The following ZC3H6 variants were observed in gnomAD, a reference collection of about 807,000 sequenced individuals.
ZC3H6 encodes the protein zinc finger CCCH-type containing 6, also known as zinc finger CCCH domain-containing protein 6.
In ZC3H6, 40 loss-of-function variants were observed where a neutral mutation model predicts 107.7. That is an observed-to-expected ratio of 0.37 (90% CI 0.29 to 0.48). The LOEUF is 0.48. Among genes scored for constraint, ZC3H6 ranks in the 20% least tolerant of loss-of-function variants. ZC3H6 has a pLI of 0.98. For synonymous variants in ZC3H6, 493 were observed against 487.9 expected, an observed-to-expected ratio of 1.01 and a Z score of -0.14; for missense variants, 1,267 against 1,410.4, an observed-to-expected ratio of 0.90 and a Z score of 1.63.
Position 112,331,282 on chromosome 2 carries a change from G to A in ZC3H6, c.2364G>A (p.Leu788=). ...GACTTGCGTGGGATCCCAGGAAATTGAGAGGGAATGGAAGTGGTCACATAG... is the reference window on the plus strand; with the variant it reads ...GACTTGCGTGGGATCCCAGGAAATTAAGAGGGAATGGAAGTGGTCACATAG... ...DLRLAWDPRK[L]RGNGSGHIGS... Residue 788 remains leucine (L), a synonymous_variant, in exon 12 of 12, where the codon TTG becomes TTA. Transcript: ENST00000409871. 1 of 1,613,680 alleles carries A rather than the reference G, an allele frequency of 6.2e-7. No individual in the cohort carries two copies. The highest frequency in any genetic ancestry group is 8.5e-7 in the Non-Finnish European group (1 of 1,179,892).
chr2:112,338,632 C>A lies in ZC3H6; in HGVS notation c.*6144C>A, dbSNP rs570847209. 54 of 151,752 alleles carry A rather than the reference C, an allele frequency of 3.6e-4. No homozygotes were observed. Among genetic ancestry groups the A allele is most frequent in the African/African-American group, 1.3e-3 (53 of 41,434 alleles). 9.4% of individuals were successfully genotyped at this position (151,752 alleles called of 1,614,324 possible). On this transcript the variant is annotated 3_prime_UTR_variant, in exon 12 of 12. Transcript: ENST00000409871. Reference sequence around the variant, plus strand: ...AATTAGCTCTGCAGATAGTCAGGCCCCATACTTCTTGGCTCATTACTGATT... The same window carrying A: ...AATTAGCTCTGCAGATAGTCAGGCCACATACTTCTTGGCTCATTACTGATT...
intron 8 of ZC3H6, 102 bp from the exon 9 acceptor site, chr2:112,322,547 A>G (rs1676823825): frequency 1.5e-6 from 2 of 1,301,878 alleles, no homozygotes; most frequent in Non-Finnish European, 2.1e-6. Flanking sequence ...AGCCCATTTC[A>G]ACTTTAATAT....
At chr2:112,326,835 A>G (rs1438212201) in intron 11 of ZC3H6, among the ~76,000 whole-genome samples, 1 of 151,412 alleles carries the variant, frequency 6.6e-6, no homozygotes, top group Non-Finnish European at 1.5e-5. Context: ...CTTGTCACGA[A>G]CTCCTGACCT....
intron 1 of ZC3H6, 111 bp downstream of exon 1, chr2:112,276,137 C>T: frequency 3.2e-6 from 3 of 935,446 alleles, no homozygotes; most frequent in Non-Finnish European, 4.8e-6. Context: ...CTCTGTGTGG[C>T]TCCGTCAGTT....
At position 112,332,263 on chromosome 2, in the gene ZC3H6, G is replaced by A. The variant is rs748720953; in HGVS notation, c.3345G>A (p.Ala1115=). Residue 1115 remains alanine (A), a synonymous_variant, in exon 12 of 12, where the codon GCG becomes GCA. Transcript: ENST00000409871. ...VTLEGPADPQ[A]DVPRSSGKVQ... ...TTGAGGGGCCAGCTGACCCACAGGC[G>A]GACGTTCCCAGGAGTTCTGGTAAGG... 25 of 1,613,746 alleles carry A rather than the reference G, an allele frequency of 1.5e-5. No homozygotes were observed. Among genetic ancestry groups the A allele is most frequent in the African/African-American group, 5.3e-5 (4 of 74,908 alleles).
chr2:112,324,387 G>T lies in ZC3H6; in HGVS notation c.1576G>T (p.Val526Leu). 2.5e-6 allele frequency: 4 copies of T among 1,613,990 alleles called. No individual in the cohort carries two copies. Among genetic ancestry groups the T allele is most frequent in the Non-Finnish European group, 3.4e-6 (4 of 1,179,882 alleles). ...PPLPPGPPEIVGPQNQAGVLV... is the reference protein window; with the variant it reads ...PPLPPGPPEILGPQNQAGVLV... ...TTTACCACCTGGTCCACCTGAAATT[G>T]TAGGTCCTCAAAATCAAGCTGGAGT... is the stretch of plus-strand genomic sequence containing the variant. The change falls in exon 10 of 12, where the codon GTA (valine) becomes TTA (leucine). Residue 526 changes from valine to leucine, a missense_variant. Physicochemically the swap from Val to Leu is conservative, Grantham distance 32. Transcript: ENST00000409871.
At chr2:112,297,236 A>G (rs1044081076) in intron 1 of ZC3H6, among the ~76,000 whole-genome samples, 3 of 152,244 alleles carry the variant, frequency 2.0e-5, no homozygotes, top group African/African-American at 7.2e-5. Context: ...GACCACGTCC[A>G]CTATCCGTAG....
At chr2:112,314,304 C>T (rs1676650638) in intron 5 of ZC3H6, among the ~76,000 whole-genome samples, 1 of 152,072 alleles carries the variant, frequency 6.6e-6, no homozygotes, top group African/African-American at 2.4e-5. Flanking sequence ...ATCTTCTGGG[C>T]ACTTAATTTT....
At chr2:112,297,951 G>A (rs998143852) in intron 1 of ZC3H6, among the ~76,000 whole-genome samples, 1 of 151,864 alleles carries the variant, frequency 6.6e-6, no homozygotes, top group Non-Finnish European at 1.5e-5. Context: ...CCCCATCTCC[G>A]TAAAAATACA....
intron 3 of ZC3H6, among the ~76,000 whole-genome samples, chr2:112,307,308 T>C (rs1428360826): frequency 6.6e-6 from 1 of 152,190 alleles, no homozygotes; most frequent in Non-Finnish European, 1.5e-5. Flanking sequence ...GCTTCTTTTT[T>C]CCTCATCTTT....
chr2:112,319,568 C>T (rs1676763612), intron 7 of ZC3H6, among the ~76,000 whole-genome samples: 1 of 151,940 alleles, frequency 6.6e-6, no homozygotes, highest in Non-Finnish European at 1.5e-5. Flanking sequence ...ATCGCTTGAA[C>T]CTGGGAGGTG....
chr2:112,323,636 A>G (rs1039659401), intron 9 of ZC3H6, among the ~76,000 whole-genome samples: 8 of 152,218 alleles, frequency 5.3e-5, no homozygotes, highest in Non-Finnish European at 1.5e-5. Flanking sequence ...CCTCAACCCA[A>G]AGGAATCAAC....
chr2:112,291,758 G>A (rs1376624793), intron 1 of ZC3H6, among the ~76,000 whole-genome samples: 9 of 151,988 alleles, frequency 5.9e-5, no homozygotes, highest in Admixed American at 2.6e-4. Flanking sequence ...TCATTCTGTC[G>A]CCCAGGCCAG....
chr2:112,325,252 A>T, intron 11 of ZC3H6, 55 bp downstream of exon 11: 1 of 1,536,982 alleles, frequency 6.5e-7, no homozygotes, highest in South Asian at 1.2e-5. Flanking sequence ...TAAAATTTTT[A>T]AATGGCCGAG....
In ZC3H6 at chr2:112,321,801, A is replaced by G; in HGVS notation, c.1022A>G (p.Gln341Arg). ...KFYHSGAKCY[Q>R]GDNCKFSHDD... ...TATCATAGTGGAGCAAAATGTTACC[A>G]GGGAGACAACTGTAAATTTTCCCAT... is the stretch of plus-strand genomic sequence containing the variant. Residue 341 changes from glutamine (Q) to arginine (R), a missense_variant, in exon 8 of 12, where the codon CAG (glutamine) becomes CGG (arginine). Physicochemically the swap from Gln to Arg is conservative, Grantham distance 43. Coordinates refer to ENST00000409871, the MANE Select transcript of ZC3H6 (RefSeq NM_198581.3). 1.3e-6 allele frequency: 2 copies of G among 1,552,300 alleles called. No homozygotes were observed. Among genetic ancestry groups the G allele is most frequent in the Non-Finnish European group, 1.7e-6 (2 of 1,148,206 alleles).
intron 11 of ZC3H6, among the ~76,000 whole-genome samples, chr2:112,327,518 G>T (rs555888070): frequency 1.3e-5 from 2 of 152,220 alleles, no homozygotes; most frequent in Admixed American, 6.5e-5. Flanking sequence ...AACTTGATGT[G>T]ATCCCATTTG....
At position 112,331,482 on chromosome 2, in the gene ZC3H6, A is replaced by G. The variant is rs754436595; in HGVS notation, c.2564A>G (p.Gln855Arg). The G allele has an allele frequency of 1.2e-6, 2 of 1,614,014 alleles. No individual in the cohort carries two copies. The highest frequency in any genetic ancestry group is 8.5e-7 in the Non-Finnish European group (1 of 1,179,890). ...PGIMLQDPRS[Q>R]LRQFSHIKMD... ...ATAATGCTCCAGGATCCAAGGTCAC[A>G]ATTGAGACAGTTCAGTCACATTAAA... The change falls in exon 12 of 12, where the codon CAA (glutamine) becomes CGA (arginine). Residue 855 changes from glutamine to arginine, a missense_variant. This residue lies in a region of ZC3H6 where 925 missense variants were observed against 1,025.7 expected (regional missense o/e 0.90). Coordinates refer to ENST00000409871, the MANE Select transcript of ZC3H6 (RefSeq NM_198581.3).
At position 112,283,624 on chromosome 2, in the gene ZC3H6, C is replaced by T. The variant is rs186311860; in HGVS notation, c.32+7598C>T. The stretch of plus-strand genomic sequence containing the variant: ...TTCATTTGGTAGTTAGACATATAGA[C>T]AGAGAAGATATTAATATATTCATTT... On this transcript the variant is annotated intron_variant, in intron 1 of 11. Coordinates refer to ENST00000409871, the MANE Select transcript of ZC3H6 (RefSeq NM_198581.3). Among the ~76,000 whole-genome samples the T allele has an allele frequency of 4.0e-3, 613 of 152,216 alleles. 4 individuals are homozygous for T. The highest frequency in any genetic ancestry group is 0.014 in the African/African-American group (598 of 41,536).
intron 1 of ZC3H6, among the ~76,000 whole-genome samples, chr2:112,279,240 G>A (rs567111776): frequency 1.3e-4 from 20 of 152,212 alleles, no homozygotes; most frequent in Non-Finnish European, 2.2e-4. Flanking sequence ...GACTCCAGCC[G>A]CTCAGTTTTA....
Sources: allele counts gnomAD v4.1 joint callset (sites outside exome capture counted in the v4.1 genomes callset), GRCh38; gene constraint gnomAD v4.1.1; regional missense constraint gnomAD v4.1.1; transcripts MANE v1.5; gene names NCBI Gene and HGNC (gene_info 2026-07-23, HGNC 2026-07-21).